The following LRRTM4 variants were observed in gnomAD, a reference collection of about 807,000 sequenced individuals.
LRRTM4 encodes the protein leucine rich repeat transmembrane neuronal 4.
A neutral mutation model predicts 47.6 loss-of-function variants in LRRTM4; 25 were observed. The observed-to-expected ratio is 0.53, with a 90% CI of 0.38 to 0.73. The LOEUF (loss-of-function observed/expected upper bound fraction) is 0.73. LRRTM4 is among the 30% of genes least tolerant of loss of function. The probability of loss-of-function intolerance (pLI) is 0.00; values close to 1 mark genes in which losing one functional copy is unlikely to be tolerated. For missense variants in LRRTM4, 638 were observed against 713.4 expected, an observed-to-expected ratio of 0.89 and a Z score of 1.20; for synonymous variants, 311 against 269.5, an observed-to-expected ratio of 1.15 and a Z score of -1.51.
intron 3 of LRRTM4, among the ~76,000 whole-genome samples, chr2:77,131,671 A>C (rs1558596115): frequency 1.3e-5 from 2 of 152,172 alleles, no homozygotes; most frequent in Admixed American, 1.3e-4. Context: ...TATGGGGGAA[A>C]TTATGGCTCA....
intron 3 of LRRTM4, among the ~76,000 whole-genome samples, chr2:76,933,668 A>G (rs936734261): frequency 1.5e-4 from 23 of 152,240 alleles, no homozygotes; most frequent in Non-Finnish European, 3.1e-4. Context: ...CATTATATTG[A>G]TTGAAAGCTG....
intron 3 of LRRTM4, among the ~76,000 whole-genome samples, chr2:76,862,974 G>A (rs143289399): frequency 1.5e-3 from 229 of 152,186 alleles, no homozygotes; most frequent in African/African-American, 5.1e-3. Context: ...TCTACCCTCC[G>A]ATTATCTACT....
chr2:76,866,375 T>A (rs1243547231), intron 3 of LRRTM4, among the ~76,000 whole-genome samples: 1 of 152,234 alleles, frequency 6.6e-6, no homozygotes, highest in East Asian at 1.9e-4. Context: ...CCTCAGGGTT[T>A]TCATCAGCTC....
At chr2:76,966,912 A>G (rs1200503042) in intron 3 of LRRTM4, among the ~76,000 whole-genome samples, 1 of 150,916 alleles carries the variant, frequency 6.6e-6, no homozygotes, top group Admixed American at 6.6e-5. Flanking sequence ...GTCCTTAAAT[A>G]TTTTCTTAAG....
At chr2:76,905,130 C>T (rs964358100) in intron 3 of LRRTM4, among the ~76,000 whole-genome samples, 6 of 152,218 alleles carry the variant, frequency 3.9e-5, no homozygotes, top group Middle Eastern at 3.4e-3. Flanking sequence ...CTCACATGGC[C>T]GGGTACTCCT....
At chr2:77,281,609 T>A (rs1676507716) in intron 3 of LRRTM4, among the ~76,000 whole-genome samples, 1 of 151,856 alleles carries the variant, frequency 6.6e-6, no homozygotes, top group South Asian at 2.1e-4. Context: ...GCTTTGGTAA[T>A]AAGGCAATTT....
chr2:76,779,087 A>C (rs1281300811), intron 3 of LRRTM4, among the ~76,000 whole-genome samples: 2 of 147,014 alleles, frequency 1.4e-5, no homozygotes, highest in Non-Finnish European at 1.5e-5. Context: ...GAGATTCTTA[A>C]TCCTGAGTTC....
At chr2:76,915,777 ATTTG>A (rs1053100098) in intron 3 of LRRTM4, among the ~76,000 whole-genome samples, 3 of 152,208 alleles carry the variant, frequency 2.0e-5, no homozygotes, top group African/African-American at 7.2e-5. Context: ...CATTTTGAGA[ATTTG>A]TTTAAATAGT....
chr2:77,519,660 A>T lies in LRRTM4; in HGVS notation c.209T>A (p.Phe70Tyr). 1 of 1,613,478 alleles carries T rather than the reference A, an allele frequency of 6.2e-7. No individual in the cohort carries two copies. The highest frequency in any genetic ancestry group is 2.2e-5 in the East Asian group (1 of 44,840). ...SGGSQGLSLR[F>Y]NSIQKLKSNQ... ...GGATTTGAGCTTCTGAATGCTGTTG[A>T]ACCTTAATGATAAGCCTTGTGACCC... Residue 70 changes from phenylalanine to tyrosine, a missense_variant, in exon 3 of 4, where the codon TTC (phenylalanine) becomes TAC (tyrosine). By Grantham distance (22) the Phe-to-Tyr change is conservative. Coordinates refer to ENST00000409884, the MANE Select transcript of LRRTM4 (RefSeq NM_001134745.3). This position sits in a 1 kb window ranked among gnomAD's most constrained non-coding sequence, Gnocchi z 4.6.
chr2:77,058,797 A>C (rs1679691053), intron 3 of LRRTM4, among the ~76,000 whole-genome samples: 1 of 151,410 alleles, frequency 6.6e-6, no homozygotes, highest in African/African-American at 2.4e-5. Context: ...AAACAATCTT[A>C]TTTATTTAGA....
chr2:76,888,366 A>G (rs1225313949), intron 3 of LRRTM4, among the ~76,000 whole-genome samples: 2 of 151,478 alleles, frequency 1.3e-5, no homozygotes, highest in Non-Finnish European at 3.0e-5. Context: ...ATATATTTAG[A>G]GAATACATAT....
intron 3 of LRRTM4, among the ~76,000 whole-genome samples, chr2:77,494,787 T>G (rs1218899767): frequency 6.6e-6 from 1 of 152,072 alleles, no homozygotes; most frequent in Non-Finnish European, 1.5e-5. Context: ...GTTCCCCTCT[T>G]CAGTCCTCCT....
At chr2:77,220,135 A>T (rs188521968) in intron 3 of LRRTM4, among the ~76,000 whole-genome samples, 2 of 152,346 alleles carry the variant, frequency 1.3e-5, no homozygotes, top group African/African-American at 4.8e-5. Flanking sequence ...ACAGACGTGC[A>T]GCTGAGGGTC....
chr2:77,075,708 G>A (rs1460553990), intron 3 of LRRTM4, among the ~76,000 whole-genome samples: 2 of 151,536 alleles, frequency 1.3e-5, no homozygotes, highest in Admixed American at 6.6e-5. Flanking sequence ...GAGGTCAGGA[G>A]ATCGAGACCA....
intron 2 of LRRTM4, among the ~76,000 whole-genome samples, chr2:77,520,915 AAAG>A (rs1679463340): frequency 6.6e-6 from 1 of 152,080 alleles, no homozygotes; most frequent in Non-Finnish European, 1.5e-5. Flanking sequence ...AGAGAAAAAA[AAAG>A]AAACAACTAC....
At chr2:77,487,167 G>C (rs1262901434) in intron 3 of LRRTM4, among the ~76,000 whole-genome samples, 1 of 152,232 alleles carries the variant, frequency 6.6e-6, no homozygotes, top group East Asian at 1.9e-4. Flanking sequence ...GCCAGGAACA[G>C]GAGGGAGCCC....
intron 3 of LRRTM4, among the ~76,000 whole-genome samples, chr2:77,347,610 TAC>T (rs1215232999): frequency 2.0e-5 from 3 of 152,136 alleles, no homozygotes. Flanking sequence ...ATCATGGATA[TAC>T]AGTTTTATAA....
chr2:77,026,488 A>G (rs1678458375), intron 3 of LRRTM4, among the ~76,000 whole-genome samples: 2 of 152,148 alleles, frequency 1.3e-5, no homozygotes, highest in South Asian at 2.1e-4. Context: ...AATTATCACA[A>G]TAAGTGAGTT....
intron 3 of LRRTM4, among the ~76,000 whole-genome samples, chr2:77,365,127 T>A (rs1389868578): frequency 1.3e-5 from 2 of 152,028 alleles, no homozygotes; most frequent in African/African-American, 2.4e-5. Flanking sequence ...CATCTTCTCT[T>A]TTCACAGGTA....
Sources: allele counts gnomAD v4.1 joint callset (sites outside exome capture counted in the v4.1 genomes callset), GRCh38; gene constraint gnomAD v4.1.1; non-coding constraint Gnocchi (gnomAD v3.1); transcripts MANE v1.5; gene names NCBI Gene and HGNC (gene_info 2026-07-23, HGNC 2026-07-21).